ISL1: variants seen among roughly 807,000 people sequenced by gnomAD.
The protein encoded by ISL1 is ISL LIM homeobox 1, also known as insulin gene enhancer protein ISL-1.
In ISL1, 4 loss-of-function variants were observed where a neutral mutation model predicts 35.3. The ratio of observed to expected loss-of-function variants is 0.11; its 90% confidence interval spans 0.06 to 0.26. ISL1 has a LOEUF of 0.26. ISL1 is among the 10% of genes least tolerant of loss of function. The probability of loss-of-function intolerance (pLI) is 1.00; values close to 1 mark genes in which losing one functional copy is unlikely to be tolerated. For missense variants in ISL1, 340 were observed against 472.8 expected (o/e 0.72, Z 2.60); for synonymous variants, 186 against 172.3 (o/e 1.08, Z -0.62).
rs1474451940 is a variant in ISL1, at chr5:51,394,530, A to G, written c.*920A>G. ...ATTATTTATTGTCGGAAGACTTGCC[A>G]CTTTTCATGTCATTTGACATTTTTT... On this transcript the variant is annotated 3_prime_UTR_variant, in exon 6 of 6. Transcript: ENST00000230658. The G allele has an allele frequency of 2.0e-5, 3 of 152,446 alleles. No homozygotes were observed. The allele number at this position is 152,446 out of a possible 1,614,324, so 9.4% of individuals were successfully genotyped here.
chr5:51,383,839 T>C, intron 1 of ISL1, 140 bp downstream of exon 1: 3 of 762,418 alleles, frequency 3.9e-6, no homozygotes, highest in South Asian at 2.8e-5. Flanking sequence ...TTTTTCTTGT[T>C]GCCGCCACGC....
chr5:51,390,829 G>A (rs531380420), intron 4 of ISL1, among the ~76,000 whole-genome samples: 25 of 151,202 alleles, frequency 1.7e-4, no homozygotes, highest in Non-Finnish European at 3.5e-4. Context: ...GGGATGGAGT[G>A]GGGGGCTGGC....
In ISL1 at chr5:51,387,765, G is replaced by A. The variant is rs200305910; in HGVS notation, c.478+16G>A. ...CAAATGGCAGGTACTCCTCTGCCCG[G>A]CTCGGGTAGGCAGGCGCCAGGTTAA... On this transcript the variant is annotated intron_variant, in intron 3 of 5. Coordinates refer to ENST00000230658, the MANE Select transcript of ISL1 (RefSeq NM_002202.3). The surrounding 1 kb of genome is among the most constrained non-coding windows in gnomAD (Gnocchi z 4.3). 1,017 of 1,613,262 alleles carry A rather than the reference G, an allele frequency of 6.3e-4. 2 individuals are homozygous for A. Among genetic ancestry groups the A allele is most frequent in the African/African-American group, 5.9e-3 (444 of 75,056 alleles).
Position 51,391,274 on chromosome 5 carries a change from A to T in ISL1, c.766A>T (p.Asn256Tyr). 6.2e-7 allele frequency: 1 copy of T among 1,612,332 alleles called. No homozygotes were observed. Among genetic ancestry groups the T allele is most frequent in the Non-Finnish European group, 8.5e-7 (1 of 1,179,818 alleles). The change falls in exon 5 of 6, where the codon AAT becomes TAT. Residue 256 changes from asparagine to tyrosine, a missense_variant and splice_region_variant. Asn to Tyr is a moderately radical substitution (Grantham distance 143). Coordinates refer to ENST00000230658, the MANE Select transcript of ISL1 (RefSeq NM_002202.3). ...GATTGGTTGGGGGGCCTATTCACAG[A>T]ATATCCAGGGGATGACAGGAACTCC... is the stretch of plus-strand genomic sequence containing the variant. ...LQQQQPNDKT[N>Y]IQGMTGTPMV...
chr5:51,391,187 G>A, intron 4 of ISL1, 87 bp from the exon 5 acceptor site: 1 of 1,295,662 alleles, frequency 7.7e-7, no homozygotes, highest in Admixed American at 1.8e-5. Flanking sequence ...GATAATACCA[G>A]GGTATATTTG....
Position 51,394,147 on chromosome 5 carries a change from G to A in ISL1, c.*537G>A, listed in dbSNP as rs370818896. On this transcript the variant is annotated 3_prime_UTR_variant, in exon 6 of 6. Transcript: ENST00000230658. The stretch of plus-strand genomic sequence containing the variant: ...TATGTTTAAAGTTGACTTTAACAAG[G>A]GGTTAATTGAAATCCTGGGTCTCTT... 1 of 157,492 alleles carries A rather than the reference G, an allele frequency of 6.3e-6. No individual in the cohort carries two copies. The highest frequency in any genetic ancestry group is 1.4e-5 in the Non-Finnish European group (1 of 71,274). The allele number at this position is 157,492 out of a possible 1,614,324, so 9.8% of individuals were successfully genotyped here.
At chr5:51,392,923 G>A (rs1747552154) in intron 5 of ISL1, among the ~76,000 whole-genome samples, 1 of 152,130 alleles carries the variant, frequency 6.6e-6, no homozygotes, top group Admixed American at 6.5e-5. Flanking sequence ...GTCTCATTTT[G>A]GAAGGAAGAG....
At chr5:51,392,650 T>C (rs752293295) in intron 5 of ISL1, among the ~76,000 whole-genome samples, 4 of 152,114 alleles carry the variant, frequency 2.6e-5, no homozygotes, top group Non-Finnish European at 4.4e-5. Context: ...CATTAATCTG[T>C]TGAGTTATTT....
chr5:51,383,710 A>G lies in ISL1; in HGVS notation c.28+11A>G, dbSNP rs1474946274. On this transcript the variant is annotated intron_variant, in intron 1 of 5. Transcript: ENST00000230658. ...GAGATCCACCAAAAAGTAAGAGGCTATTTTACCTTGTGGGGCTCGGTGTGC... is the reference window on the plus strand; with the variant it reads ...GAGATCCACCAAAAAGTAAGAGGCTGTTTTACCTTGTGGGGCTCGGTGTGC... The G allele has an allele frequency of 2.5e-6, 4 of 1,608,922 alleles. No individual in the cohort carries two copies. The highest frequency in any genetic ancestry group is 3.4e-6 in the Non-Finnish European group (4 of 1,175,408).
rs1747508318 is a variant in ISL1 at position 51,391,330 on chromosome 5, C to T, written c.822C>T (p.Asp274=). 7 of 1,613,676 alleles carry T rather than the reference C, an allele frequency of 4.3e-6. No homozygotes were observed. Among genetic ancestry groups the T allele is most frequent in the East Asian group, 2.2e-5 (1 of 44,882 alleles). Residue 274 remains aspartate, a synonymous_variant, in exon 5 of 6, where the codon GAC becomes GAT. Coordinates refer to ENST00000230658, the MANE Select transcript of ISL1 (RefSeq NM_002202.3). Reference sequence around the variant, plus strand: ...TGGCTGCCAGTCCAGAGAGACACGACGGTGGCTTACAGGCTAACCCAGTGG... The same window carrying T: ...TGGCTGCCAGTCCAGAGAGACACGATGGTGGCTTACAGGCTAACCCAGTGG... ...PMVAASPERH[D]GGLQANPVEV... is the part of the protein sequence containing the mutation.
Position 51,383,667 on chromosome 5 carries a change from C to T in ISL1, c.-5C>T, listed in dbSNP as rs1463519538. 14 of 1,607,400 alleles carry T rather than the reference C, an allele frequency of 8.7e-6. No homozygotes were observed. The African/African-American group carries it at 1.3e-4, about 15-fold the overall frequency. The stretch of plus-strand genomic sequence containing the variant: ...TCACTGTGGACATTACTCCCTCTTA[C>T]AGATATGGGAGACATGGGAGATCCA... On this transcript the variant is annotated 5_prime_UTR_variant, in exon 1 of 6. Transcript: ENST00000230658.
In ISL1 at chr5:51,383,481, C is replaced by CA. The variant is rs1267972365; in HGVS notation, c.-189dup. The CA allele has an allele frequency of 1.6e-6, 1 of 639,172 alleles. No individual in the cohort carries two copies. Among genetic ancestry groups the CA allele is most frequent in the African/African-American group, 1.8e-5 (1 of 54,732 alleles). 39.6% of individuals were successfully genotyped at this position (639,172 alleles called of 1,614,324 possible). On this transcript the variant is annotated 5_prime_UTR_variant, in exon 1 of 6. Coordinates refer to ENST00000230658, the MANE Select transcript of ISL1 (RefSeq NM_002202.3). Reference sequence around the variant, plus strand: ...CGCCGCCGCAGCGCCTCCGCTCCGCCAACTCCGCCGGCTTAAATTGGACTC... The same window carrying CA: ...CGCCGCCGCAGCGCCTCCGCTCCGCCAAACTCCGCCGGCTTAAATTGGACTC...
chr5:51,393,007 G>A (rs1309136352), intron 5 of ISL1, among the ~76,000 whole-genome samples: 1 of 152,190 alleles, frequency 6.6e-6, no homozygotes, highest in Non-Finnish European at 1.5e-5. Flanking sequence ...CAAGCTGTGA[G>A]CCTGCTGAGG....
chr5:51,385,201 A>G (rs1747314641), intron 2 of ISL1, among the ~76,000 whole-genome samples: 1 of 152,236 alleles, frequency 6.6e-6, no homozygotes. Flanking sequence ...TGACCGAAGC[A>G]TGTTTAGAGA....
At position 51,393,782 on chromosome 5, in the gene ISL1, C is replaced by T; in HGVS notation, c.*172C>T. On this transcript the variant is annotated 3_prime_UTR_variant, in exon 6 of 6. Transcript: ENST00000230658. ...ATGACAAGGTGATATGGTAGCAACA[C>T]TGTGAAGACAATCATGGGATTTTAC... The T allele has an allele frequency of 3.1e-6, 2 of 649,486 alleles. No individual in the cohort carries two copies. The highest frequency in any genetic ancestry group is 2.7e-5 in the East Asian group (1 of 36,768). The allele number at this position is 649,486 out of a possible 1,614,324, so 40.2% of individuals were successfully genotyped here.
Position 51,389,560 on chromosome 5 carries a change from A to AGCGGGCGGGCGGGCGGGCAG in ISL1, c.479-83_479-82insGGCGGGCGGGCGGGCAGGCG, listed in dbSNP as rs1747433428. ...AAGTAAGCGGGCGGGCGGGCGGGCA[A>AGCGGGCGGGCGGGCGGGCAG]GCGAGCGAGCGAGCGAGCGCGCGAC... On this transcript the variant is annotated intron_variant, in intron 3 of 5. Transcript: ENST00000230658. The surrounding 1 kb of genome is among the most constrained non-coding windows in gnomAD (Gnocchi z 5.0). 2 of 1,169,822 alleles carry AGCGGGCGGGCGGGCGGGCAG rather than the reference A, an allele frequency of 1.7e-6. No individual in the cohort carries two copies. The highest frequency in any genetic ancestry group is 8.4e-5 in the Admixed American group (2 of 23,710). 72.5% of individuals were successfully genotyped at this position (1,169,822 alleles called of 1,614,324 possible). A position where few individuals can be genotyped will look rare whatever the true frequency, so the allele number is the denominator to read the frequency against.
intron 4 of ISL1, among the ~76,000 whole-genome samples, chr5:51,390,571 C>T (rs1747471920): frequency 6.6e-6 from 1 of 151,400 alleles, no homozygotes; most frequent in African/African-American, 2.4e-5. Flanking sequence ...ACGGAAGCAC[C>T]CACTCTGCAG....
Position 51,387,626 on chromosome 5 carries a change from G to A in ISL1, c.355G>A (p.Glu119Lys). 1.2e-6 allele frequency: 2 copies of A among 1,614,222 alleles called. No homozygotes were observed. Among genetic ancestry groups the A allele is most frequent in the African/African-American group, 1.3e-5 (1 of 75,058 alleles). The change falls in exon 3 of 6, where the codon GAA becomes AAA. Residue 119 changes from glutamate (E) to lysine (K), a missense_variant. Glu to Lys is a moderately conservative substitution (Grantham distance 56, BLOSUM62 1). Transcript: ENST00000230658. The surrounding 1 kb of genome is among the most constrained non-coding windows in gnomAD (Gnocchi z 4.3). ...CAGCCGCCAGCTCATCCCTGGGGAC[G>A]AATTTGCGCTTCGGGAGGACGGTCT... ...ACSRQLIPGD[E>K]FALREDGLFC...
At chr5:51,386,561 T>A (rs776062737) in intron 2 of ISL1, 2 of 455,988 alleles carry the variant, frequency 4.4e-6, no homozygotes, top group South Asian at 3.1e-5. Flanking sequence ...CTTCTGTTAT[T>A]CCTGAAAGAT....
Sources: allele counts gnomAD v4.1 joint callset (sites outside exome capture counted in the v4.1 genomes callset), GRCh38; gene constraint gnomAD v4.1.1; non-coding constraint Gnocchi (gnomAD v3.1); transcripts MANE v1.5; gene names NCBI Gene and HGNC (gene_info 2026-07-23, HGNC 2026-07-21).